OTUD7A: variants seen among roughly 807,000 people sequenced by gnomAD.
OTUD7A encodes the protein OTU deubiquitinase 7A, also known as OTU domain-containing protein 7A.
In OTUD7A, 12 loss-of-function variants were observed where a neutral mutation model predicts 65.7. The observed-to-expected ratio is 0.18, with a 90% CI of 0.12 to 0.30. The LOEUF is 0.30. OTUD7A is among the 10% of genes least tolerant of loss of function. The pLI is 1.00. For synonymous variants in OTUD7A, 641 were observed against 586.3 expected (o/e 1.09, Z -1.35); for missense variants, 1,148 against 1,304.8 (o/e 0.88, Z 1.85).
chr15:31,809,451 T>C (rs1478975978), intron 1 of OTUD7A, among the ~76,000 whole-genome samples: 1 of 152,248 alleles, frequency 6.6e-6, no homozygotes, highest in Non-Finnish European at 1.5e-5. Context: ...TGTTTCCTGC[T>C]TTCCCTGCCT....
chr15:31,801,309 G>C (rs141349312), intron 1 of OTUD7A, among the ~76,000 whole-genome samples: 3 of 152,346 alleles, frequency 2.0e-5, no homozygotes, highest in Non-Finnish European at 4.4e-5. Flanking sequence ...GGCCTGGCCT[G>C]GGGTCTAGCG....
chr15:31,808,377 C>T lies in OTUD7A; in HGVS notation c.-100+62130G>A, dbSNP rs114280862. Among the ~76,000 whole-genome samples the T allele has an allele frequency of 3.3e-3, 501 of 152,264 alleles. 3 individuals are homozygous for T. Among genetic ancestry groups the T allele is most frequent in the African/African-American group, 0.012 (485 of 41,546 alleles). On this transcript the variant is annotated intron_variant, in intron 1 of 12. Transcript: ENST00000307050. ...ACCCACTGCATTTCCCCAGCACAGA[C>T]CTCATTCACAGGAGCACTTTCAGAG...
At chr15:31,818,096 G>A (rs1404513377) in intron 1 of OTUD7A, among the ~76,000 whole-genome samples, 1 of 152,234 alleles carries the variant, frequency 6.6e-6, no homozygotes, top group Non-Finnish European at 1.5e-5. Flanking sequence ...CATCTATGGA[G>A]CAGAGAGCAA....
chr15:31,492,929 A>G (rs549266107), intron 10 of OTUD7A, among the ~76,000 whole-genome samples: 3 of 152,258 alleles, frequency 2.0e-5, no homozygotes, highest in South Asian at 4.1e-4. Flanking sequence ...ATCTCATTGT[A>G]AGGGCCAGGC....
At chr15:31,783,771 G>C (rs1253498404) in intron 1 of OTUD7A, among the ~76,000 whole-genome samples, 3 of 152,142 alleles carry the variant, frequency 2.0e-5, no homozygotes, top group Admixed American at 1.3e-4. Context: ...ATTCATCAAA[G>C]CATACTTGCA....
At chr15:31,589,916 C>T (rs1356719961) in intron 3 of OTUD7A, among the ~76,000 whole-genome samples, 5 of 152,074 alleles carry the variant, frequency 3.3e-5, no homozygotes, top group South Asian at 2.1e-4. Context: ...TTAGTATATT[C>T]TTATGATAAA....
At chr15:31,526,886 TATA>T (rs926486962) in intron 7 of OTUD7A, among the ~76,000 whole-genome samples, 1 of 152,116 alleles carries the variant, frequency 6.6e-6, no homozygotes, top group African/African-American at 2.4e-5. Flanking sequence ...CAGTCATATA[TATA>T]ATTCATCATC....
chr15:31,578,715 C>G (rs890780624), intron 3 of OTUD7A, among the ~76,000 whole-genome samples: 2 of 152,198 alleles, frequency 1.3e-5, no homozygotes, highest in Admixed American at 1.3e-4. Flanking sequence ...CTACGCCCAG[C>G]TACTTTTTGT....
chr15:31,510,080 C>T (rs546130805), intron 8 of OTUD7A, among the ~76,000 whole-genome samples: 1 of 148,166 alleles, frequency 6.7e-6, no homozygotes, highest in South Asian at 2.1e-4. Context: ...TCTGTTTCCC[C>T]TGTTTTTTTT....
intron 4 of OTUD7A, among the ~76,000 whole-genome samples, chr15:31,568,488 G>T (rs1018537241): frequency 2.0e-5 from 3 of 152,214 alleles, no homozygotes; most frequent in African/African-American, 7.2e-5. Context: ...CCTTGACTCA[G>T]ACAAGAGTTT....
At chr15:31,836,248 T>C (rs1341230811) in intron 1 of OTUD7A, among the ~76,000 whole-genome samples, 1 of 152,156 alleles carries the variant, frequency 6.6e-6, no homozygotes, top group African/African-American at 2.4e-5. Flanking sequence ...AAATGCTCTC[T>C]CTAATGCAGA....
chr15:31,570,809 G>A (rs572682311), intron 3 of OTUD7A, among the ~76,000 whole-genome samples: 10 of 152,096 alleles, frequency 6.6e-5, no homozygotes, highest in Non-Finnish European at 1.5e-4. Flanking sequence ...CCGACACGGG[G>A]TGCTGGACTG....
chr15:31,796,138 G>GCTGCGT (rs1895946920), intron 1 of OTUD7A, among the ~76,000 whole-genome samples: 1 of 35,752 alleles, frequency 2.8e-5, no homozygotes, highest in Non-Finnish European at 9.3e-5. Context: ...ACCAGTAAGG[G>GCTGCGT]GTGCGTGTGT....
chr15:31,821,196 C>T (rs1235561794), intron 1 of OTUD7A, among the ~76,000 whole-genome samples: 9 of 130,016 alleles, frequency 6.9e-5, no homozygotes, highest in African/African-American at 2.1e-4. Context: ...AGTGCAGTGG[C>T]GCAATCTCAG....
intron 1 of OTUD7A, among the ~76,000 whole-genome samples, chr15:31,845,515 G>A (rs1046209504): frequency 1.3e-5 from 2 of 152,204 alleles, no homozygotes; most frequent in Admixed American, 6.5e-5. Flanking sequence ...CCAACCACAC[G>A]ATGCACCCAG....
intron 1 of OTUD7A, among the ~76,000 whole-genome samples, chr15:31,819,440 T>A (rs765139891): frequency 1.3e-5 from 2 of 152,224 alleles, no homozygotes; most frequent in Non-Finnish European, 2.9e-5. Context: ...AATGTAGACC[T>A]GCATTTATTA....
intron 8 of OTUD7A, among the ~76,000 whole-genome samples, chr15:31,504,193 G>C (rs28583425): frequency 0.12 from 18,715 of 152,136 alleles, 1,358 homozygotes; most frequent in East Asian, 0.24. Flanking sequence ...AGGGATGGAG[G>C]GGTTCCTCTC....
rs1197615888 is a variant in OTUD7A, at chr15:31,590,794, C to G, written c.152-20597G>C. Among the ~76,000 whole-genome samples the G allele has an allele frequency of 2.6e-5, 4 of 152,254 alleles. No homozygotes were observed. The South Asian group carries it at 6.2e-4, about 24-fold the overall frequency. ...CATGGCAGCTGAAGAAATAGCTAAACTGAACAGCCTATAGCTACAGAAAAG... is the reference window on the plus strand; with the variant it reads ...CATGGCAGCTGAAGAAATAGCTAAAGTGAACAGCCTATAGCTACAGAAAAG... On this transcript the variant is annotated intron_variant, in intron 3 of 12. Transcript: ENST00000307050.
intron 1 of OTUD7A, among the ~76,000 whole-genome samples, chr15:31,804,302 G>A (rs1245177782): frequency 1.3e-5 from 2 of 152,168 alleles, no homozygotes; most frequent in East Asian, 3.9e-4. Flanking sequence ...CTTCTTGGAC[G>A]CAACCTTAAA....
Sources: gnomAD v4.1 joint callset for allele counts (sites outside exome capture counted in the v4.1 genomes callset) on GRCh38, gnomAD v4.1.1 for gene constraint, MANE v1.5 for transcripts, NCBI Gene and HGNC (gene_info 2026-07-23, HGNC 2026-07-21) for gene names.